LAMA1: variants seen among roughly 807,000 people sequenced by gnomAD.
LAMA1 encodes the protein laminin subunit alpha-1.
In LAMA1, 219 loss-of-function variants were observed where a neutral mutation model predicts 348.7. That is an observed-to-expected ratio of 0.63 (90% CI 0.56 to 0.70). The LOEUF is 0.70. LAMA1 is among the 30% of genes least tolerant of loss of function. The pLI, the probability that LAMA1 is intolerant of heterozygous loss-of-function variation, is 0.00. For missense variants in LAMA1, 3,744 were observed against 3,888.0 expected, an observed-to-expected ratio of 0.96 and a Z score of 0.99; for synonymous variants, 1,487 against 1,491.0, an observed-to-expected ratio of 1.00 and a Z score of 0.06.
At chr18:7,085,603 A>G (rs918724030) in intron 1 of LAMA1, among the ~76,000 whole-genome samples, 23 of 151,908 alleles carry the variant, frequency 1.5e-4, no homozygotes, top group Admixed American at 9.8e-4. Context: ...TATTTTTAGT[A>G]GAGATGGGGT....
At chr18:7,117,526 G>C (rs2058362612) in intron 1 of LAMA1, 134 bp downstream of exon 1, 8 of 870,244 alleles carry the variant, frequency 9.2e-6, no homozygotes, top group Non-Finnish European at 1.4e-5. Context: ...CCACGTGGCC[G>C]AGACACCCAC....
At position 7,016,544 on chromosome 18, in the gene LAMA1, CT is replaced by C. The variant is rs758601967; in HGVS notation, c.2935del (p.Arg979GlyfsTer45). ...CHCVPGVAGKRCDRCAHGFYA... is the reference protein window; with the variant it reads ...CHCVPGVAGKXCDRCAHGFYA... ...GAAGCCATGGGCACACCTGTCACACCTTTTCCCTGCCACACCTGGGACACAG... is the reference window on the plus strand; with the variant it reads ...GAAGCCATGGGCACACCTGTCACACCTTTCCCTGCCACACCTGGGACACAG... On this transcript the variant is annotated frameshift_variant, in exon 21 of 63. Transcript: ENST00000389658. LOFTEE classifies it high-confidence loss of function. 5 of 1,614,174 alleles carry C rather than the reference CT, an allele frequency of 3.1e-6. No homozygotes were observed. Among genetic ancestry groups the C allele is most frequent in the Non-Finnish European group, 4.2e-6 (5 of 1,180,034 alleles).
In LAMA1 at chr18:7,032,130, C is replaced by T. The variant is rs1568038869; in HGVS notation, c.2210G>A (p.Gly737Glu). ...GTGGCATTCACAGGGTTGACAAATTCCTCCAAAGAGTATTCCATCCACGCG... is the reference window on the plus strand; with the variant it reads ...GTGGCATTCACAGGGTTGACAAATTTCTCCAAAGAGTATTCCATCCACGCG... ...YYRVDGILFG[G>E]ICQPCECHGH... Residue 737 changes from glycine to glutamate, a missense_variant, in exon 16 of 63, where the codon GGA becomes GAA. Gly to Glu is a moderately conservative substitution (Grantham distance 98, BLOSUM62 -2). Coordinates refer to ENST00000389658, the MANE Select transcript of LAMA1 (RefSeq NM_005559.4). 1.9e-6 allele frequency: 3 copies of T among 1,614,190 alleles called. No individual in the cohort carries two copies. The highest frequency in any genetic ancestry group is 1.1e-5 in the South Asian group (1 of 91,074).
At chr18:7,008,658 T>A in intron 27 of LAMA1, 50 bp from the exon 28 acceptor site, 1 of 1,607,134 alleles carries the variant, frequency 6.2e-7, no homozygotes, top group African/African-American at 1.3e-5. Context: ...TGAAAAACTT[T>A]CTAGAAACAT....
intron 21 of LAMA1, 23 bp downstream of exon 21, chr18:7,016,468 C>G (rs1349511989): frequency 1.2e-6 from 2 of 1,614,022 alleles, no homozygotes; most frequent in Non-Finnish European, 1.7e-6. Flanking sequence ...TACAAAGTCT[C>G]AAACAAGGAA....
At chr18:7,082,911 G>A (rs2058198653) in intron 1 of LAMA1, among the ~76,000 whole-genome samples, 1 of 142,498 alleles carries the variant, frequency 7.0e-6, no homozygotes, top group South Asian at 2.1e-4. Context: ...ACCCCCACCA[G>A]TTGCAGGACA....
chr18:7,008,523 C>T lies in LAMA1; in HGVS notation c.4087G>A (p.Val1363Ile), dbSNP rs762517980. 1.9e-6 allele frequency: 3 copies of T among 1,614,102 alleles called. No homozygotes were observed. Among genetic ancestry groups the T allele is most frequent in the East Asian group, 4.5e-5 (2 of 44,866 alleles). The change falls in exon 28 of 63, where the codon GTC becomes ATC. Residue 1363 changes from valine (V) to isoleucine (I), a missense_variant. Around this residue, in one of 3 missense-constraint regions of LAMA1, gnomAD observed 1,983 missense variants for 1,934.3 expected, o/e 1.03. Coordinates refer to ENST00000389658, the MANE Select transcript of LAMA1 (RefSeq NM_005559.4). ...EEVASLLENC[V>I]CPPGTVGFSC... is the part of the protein sequence containing the mutation. ...AATCCCACAGTGCCAGGAGGACAGA[C>T]ACAATTCTCTAAAAGAGATGCAACC...
chr18:7,085,452 T>C (rs1291353376), intron 1 of LAMA1, among the ~76,000 whole-genome samples: 3 of 140,828 alleles, frequency 2.1e-5, no homozygotes, highest in Non-Finnish European at 3.0e-5. Flanking sequence ...AGAGTCTTGC[T>C]CTGTCGCCCA....
intron 35 of LAMA1, 37 bp from the exon 36 acceptor site, chr18:6,992,757 T>C (rs1211098177): frequency 1.3e-6 from 2 of 1,569,034 alleles, no homozygotes; most frequent in Non-Finnish European, 1.8e-6. Flanking sequence ...AATAAGCCTC[T>C]CAAAAGTGGC....
At chr18:7,106,811 T>C (rs2058313778) in intron 1 of LAMA1, among the ~76,000 whole-genome samples, 2 of 152,064 alleles carry the variant, frequency 1.3e-5, no homozygotes, top group Admixed American at 1.3e-4. Context: ...TCTGCTCTTC[T>C]GACACACACA....
chr18:6,962,144 A>T, intron 51 of LAMA1, 85 bp from the exon 52 acceptor site: 11 of 898,716 alleles, frequency 1.2e-5, no homozygotes, highest in Non-Finnish European at 2.1e-5. Flanking sequence ...CCACTGGGCA[A>T]GGCACAGTGG....
chr18:7,009,285 A>G lies in LAMA1; in HGVS notation c.3955T>C (p.Tyr1319His). The G allele has an allele frequency of 6.2e-7, 1 of 1,613,696 alleles. No individual in the cohort carries two copies. The highest frequency in any genetic ancestry group is 2.2e-5 in the East Asian group (1 of 44,856). Residue 1319 changes from tyrosine to histidine, a missense_variant, in exon 27 of 63, where the codon TAC becomes CAC. By Grantham distance (83) the Tyr-to-His change is moderately conservative. Transcript: ENST00000389658. ...DFMSVLSDIE[Y>H]ILIKASYGQG... ...CCATACGATGCCTTGATGAGGATGT[A>G]CTCAATATCGCTGAGGACAGACATA...
At chr18:7,006,402 T>A (rs56194789) in intron 29 of LAMA1, among the ~76,000 whole-genome samples, 5,273 of 152,222 alleles carry the variant, frequency 0.035, 119 homozygotes, top group Non-Finnish European at 0.045. Flanking sequence ...GAGAGGGCAA[T>A]ACTTTACACA....
intron 39 of LAMA1, among the ~76,000 whole-genome samples, chr18:6,984,774 G>A (rs1348402796): frequency 6.6e-6 from 1 of 152,156 alleles, no homozygotes; most frequent in Non-Finnish European, 1.5e-5. Context: ...ATCTCTCAGG[G>A]ATTGGAAAAG....
intron 3 of LAMA1, 37 bp downstream of exon 3, chr18:7,079,938 C>A (rs749105377): frequency 3.5e-6 from 5 of 1,426,816 alleles, no homozygotes; most frequent in Non-Finnish European, 4.0e-6. Flanking sequence ...AGCTCAGCAG[C>A]CTGTAGACAC....
chr18:7,097,369 A>G (rs1427483342), intron 1 of LAMA1, among the ~76,000 whole-genome samples: 2 of 152,184 alleles, frequency 1.3e-5, no homozygotes, highest in African/African-American at 4.8e-5. Flanking sequence ...TGGGGGAGAA[A>G]TTAGAGAAGA....
At chr18:6,974,817 CCT>C in intron 46 of LAMA1, 84 bp downstream of exon 46, 1 of 1,525,758 alleles carries the variant, frequency 6.6e-7, no homozygotes, top group Non-Finnish European at 9.1e-7. Flanking sequence ...AGTTTCAAAG[CCT>C]ATTATATGAT....
rs572296494 is a variant in LAMA1, at chr18:7,018,960, G to A, written c.2702-1576C>T. On this transcript the variant is annotated intron_variant, in intron 19 of 62. Coordinates refer to ENST00000389658, the MANE Select transcript of LAMA1 (RefSeq NM_005559.4). ...GGGGGCCTTAATGCTGCAGTCCCAC[G>A]AGAGGCCCCATTCACCGGTGCCCTT... Among the ~76,000 whole-genome samples, 9 of 152,132 alleles carry A rather than the reference G, an allele frequency of 5.9e-5. No individual in the cohort carries two copies. In the South Asian group the frequency reaches 1.7e-3, roughly 28 times the overall value.
intron 3 of LAMA1, among the ~76,000 whole-genome samples, chr18:7,066,118 T>C (rs1055789315): frequency 3.9e-5 from 6 of 152,206 alleles, no homozygotes; most frequent in Non-Finnish European, 8.8e-5. Flanking sequence ...AGGTGAGTAA[T>C]ATATTTTTAA....
Sources: gnomAD v4.1 joint callset for allele counts (sites outside exome capture counted in the v4.1 genomes callset) on GRCh38, gnomAD v4.1.1 for gene constraint, gnomAD v4.1.1 regional missense constraint, MANE v1.5 for transcripts, NCBI Gene and HGNC (gene_info 2026-07-23, HGNC 2026-07-21) for gene names.